The following CMIP variants were observed in gnomAD, a reference collection of about 807,000 sequenced individuals.
CMIP encodes the protein c-Maf inducing protein, also known as C-Maf-inducing protein.
A neutral mutation model predicts 97.3 loss-of-function variants in CMIP; 13 were observed. The ratio of observed to expected loss-of-function variants is 0.13; its 90% CI spans 0.09 to 0.21. The LOEUF (loss-of-function observed/expected upper bound fraction) is 0.21, where lower values mean the gene tolerates loss of function less well. Ranked by LOEUF, CMIP falls within the 10% of genes least tolerant of loss-of-function variation. The pLI is 1.00. For missense variants in CMIP, 847 were observed against 1,024.9 expected, an observed-to-expected ratio of 0.83 and a Z score of 2.37; for synonymous variants, 538 against 436.3, an observed-to-expected ratio of 1.23 and a Z score of -2.91.
chr16:81,503,397 T>A (rs972054489), intron 1 of CMIP, among the ~76,000 whole-genome samples: 1 of 152,142 alleles, frequency 6.6e-6, no homozygotes, highest in African/African-American at 2.4e-5. Flanking sequence ...CTGATCCCTT[T>A]ATTTTAATTT....
At chr16:81,484,885 A>G (rs1228442759) in intron 1 of CMIP, among the ~76,000 whole-genome samples, 1 of 151,002 alleles carries the variant, frequency 6.6e-6, no homozygotes, top group Non-Finnish European at 1.5e-5. Context: ...GTCTGCTCAG[A>G]TATACCCTCT....
intron 3 of CMIP, among the ~76,000 whole-genome samples, chr16:81,624,074 G>T (rs1313259454): frequency 1.3e-5 from 2 of 150,770 alleles, no homozygotes; most frequent in African/African-American, 4.9e-5. Context: ...CCTATTTGAG[G>T]TTTTTCTTTT....
intron 1 of CMIP, among the ~76,000 whole-genome samples, chr16:81,605,300 CA>C (rs373994309): frequency 6.6e-6 from 1 of 152,298 alleles, no homozygotes; most frequent in Non-Finnish European, 1.5e-5. Context: ...GATTGGGGGC[CA>C]GGGGGTCCTC....
chr16:81,705,942 A>G (rs547440748), intron 19 of CMIP, among the ~76,000 whole-genome samples: 1 of 152,326 alleles, frequency 6.6e-6, no homozygotes, highest in Non-Finnish European at 1.5e-5. Flanking sequence ...TCCCCTGACC[A>G]GTGGTGGCAG....
At chr16:81,503,008 G>T (rs770253201) in intron 1 of CMIP, among the ~76,000 whole-genome samples, 1 of 151,410 alleles carries the variant, frequency 6.6e-6, no homozygotes, top group African/African-American at 2.4e-5. Flanking sequence ...GCTTTCCCAG[G>T]CAGTCTGTTA....
intron 1 of CMIP, among the ~76,000 whole-genome samples, chr16:81,570,793 G>T (rs1348454792): frequency 6.6e-6 from 1 of 152,060 alleles, no homozygotes; most frequent in Non-Finnish European, 1.5e-5. Flanking sequence ...CAAGCCTTTG[G>T]GTCGTTAGTC....
In CMIP at chr16:81,577,326, A is replaced by G. The variant is rs529142095; in HGVS notation, c.301-30241A>G. ...TCATCCCCATTACCACTACATTATT[A>G]TCACTATCACCATCACCATCATCAC... On this transcript the variant is annotated intron_variant, in intron 1 of 20. Transcript: ENST00000537098. Among the ~76,000 whole-genome samples the G allele has an allele frequency of 4.1e-5, 6 of 147,490 alleles. No homozygotes were observed. In the East Asian group the frequency reaches 1.3e-3, roughly 31 times the overall value.
At chr16:81,643,154 G>A (rs1397401389) in intron 3 of CMIP, among the ~76,000 whole-genome samples, 4 of 152,208 alleles carry the variant, frequency 2.6e-5, no homozygotes, top group African/African-American at 4.8e-5. Context: ...TCTGTAACAC[G>A]TCCACCTCGT....
At chr16:81,572,194 A>T (rs1310831307) in intron 1 of CMIP, among the ~76,000 whole-genome samples, 1 of 152,192 alleles carries the variant, frequency 6.6e-6, no homozygotes, top group Non-Finnish European at 1.5e-5. Flanking sequence ...TCTTTCTTGG[A>T]TCTCAAGAGT....
intron 1 of CMIP, among the ~76,000 whole-genome samples, chr16:81,545,452 C>G (rs1253038571): frequency 6.6e-6 from 1 of 152,154 alleles, no homozygotes; most frequent in African/African-American, 2.4e-5. Flanking sequence ...ACAACAGTGA[C>G]AACATCAGTA....
chr16:81,680,333 G>A (rs557830651), intron 10 of CMIP, among the ~76,000 whole-genome samples: 2 of 152,354 alleles, frequency 1.3e-5, no homozygotes, highest in African/African-American at 4.8e-5. Flanking sequence ...TGAGGGCCTG[G>A]TGAGCTGGAG....
intron 3 of CMIP, among the ~76,000 whole-genome samples, chr16:81,648,321 C>G (rs35345579): frequency 0.3 from 45,506 of 151,802 alleles, 8,253 homozygotes; most frequent in Non-Finnish European, 0.4. Flanking sequence ...TGATAGGCTT[C>G]TGTGCACAGA....
intron 1 of CMIP, among the ~76,000 whole-genome samples, chr16:81,465,513 T>A (rs186667894): frequency 2.0e-4 from 30 of 152,376 alleles, no homozygotes; most frequent in African/African-American, 7.2e-4. Context: ...TACCAGTCCC[T>A]AACACTCACT....
At chr16:81,667,647 T>A (rs1176604578) in intron 7 of CMIP, among the ~76,000 whole-genome samples, 5 of 151,922 alleles carry the variant, frequency 3.3e-5, no homozygotes, top group African/African-American at 1.2e-4. Flanking sequence ...CTGTGGACCC[T>A]CATTCCATAG....
At chr16:81,604,191 C>T (rs961377544) in intron 1 of CMIP, among the ~76,000 whole-genome samples, 15 of 150,966 alleles carry the variant, frequency 9.9e-5, no homozygotes, top group South Asian at 2.1e-4. Context: ...GTCAGGAGTT[C>T]GAGACCAGCC....
rs890806592 is a variant in CMIP, at chr16:81,506,699, G to T, written c.300+61158G>T. ...GGAGGCCAAGGCGGGCGGATCACGA[G>T]GTCAGGAGTTCGAGACCAGCCTGGC... is the stretch of plus-strand genomic sequence containing the variant. On this transcript the variant is annotated intron_variant, in intron 1 of 20. Transcript: ENST00000537098. Among the ~76,000 whole-genome samples the T allele has an allele frequency of 3.9e-5, 6 of 152,240 alleles. No individual in the cohort carries two copies. In the East Asian group the frequency reaches 5.8e-4, roughly 15 times the overall value.
At chr16:81,447,445 C>T (rs1412724486) in intron 1 of CMIP, among the ~76,000 whole-genome samples, 4 of 152,018 alleles carry the variant, frequency 2.6e-5, no homozygotes, top group Non-Finnish European at 5.9e-5. Context: ...CACTTACCTC[C>T]GATTGCTCAG....
At chr16:81,665,212 G>C (rs2092590435) in intron 7 of CMIP, 1 of 152,070 alleles carries the variant, frequency 6.6e-6, no homozygotes, top group African/African-American at 2.4e-5. Flanking sequence ...CTTGTAATCT[G>C]TGTGGCCCCT....
chr16:81,499,009 C>T lies in CMIP; in HGVS notation c.300+53468C>T, dbSNP rs1056826304. ...ACAAATTCAAATGTATTTAATCCCC[C>T]TATCAACACTAGGAGGTAGTTTCTG... On this transcript the variant is annotated intron_variant, in intron 1 of 20. Transcript: ENST00000537098. Among the ~76,000 whole-genome samples the T allele has an allele frequency of 3.3e-5, 5 of 152,190 alleles. No individual in the cohort carries two copies. In the East Asian group the frequency reaches 7.7e-4, roughly 23 times the overall value.
Sources: gnomAD v4.1 joint callset for allele counts (sites outside exome capture counted in the v4.1 genomes callset) on GRCh38, gnomAD v4.1.1 for gene constraint, MANE v1.5 for transcripts, NCBI Gene and HGNC (gene_info 2026-07-23, HGNC 2026-07-21) for gene names.